The following MGAT4C variants were observed in gnomAD, a reference collection of about 807,000 sequenced individuals.
MGAT4C encodes alpha-1,3-mannosyl-glycoprotein 4-beta-N-acetylglucosaminyltransferase C.
Under a neutral mutation model 40.1 loss-of-function variants are expected in MGAT4C, and 19 were observed. That is an observed-to-expected ratio of 0.47 (90% confidence interval 0.33 to 0.70). The LOEUF is 0.70. Among genes scored for constraint, MGAT4C ranks in the 30% least tolerant of loss-of-function variants. The probability of loss-of-function intolerance (pLI) is 0.02; values close to 1 mark genes in which losing one functional copy is unlikely to be tolerated. For missense variants in MGAT4C, 491 were observed against 563.2 expected (o/e 0.87, Z 1.30); for synonymous variants, 181 against 187.1 (o/e 0.97, Z 0.27).
intron 2 of MGAT4C, among the ~76,000 whole-genome samples, chr12:86,508,913 T>C (rs542823783): frequency 1.3e-5 from 2 of 151,192 alleles, no homozygotes; most frequent in East Asian, 3.9e-4. Flanking sequence ...GTTGTTTGTT[T>C]TTTTCTTGTA....
chr12:86,333,833 T>C (rs1235871113), intron 4 of MGAT4C, among the ~76,000 whole-genome samples: 1 of 152,200 alleles, frequency 6.6e-6, no homozygotes, highest in Non-Finnish European at 1.5e-5. Flanking sequence ...AAACTGAATA[T>C]CAGTTAATAG....
intron 2 of MGAT4C, among the ~76,000 whole-genome samples, chr12:86,043,518 T>C (rs1892081224): frequency 6.6e-6 from 1 of 152,194 alleles, no homozygotes; most frequent in African/African-American, 2.4e-5. Flanking sequence ...CTACCTGCTT[T>C]TATTCTAGCC....
At chr12:86,664,146 T>G (rs927979128) in intron 2 of MGAT4C, among the ~76,000 whole-genome samples, 12 of 150,454 alleles carry the variant, frequency 8.0e-5, no homozygotes, top group African/African-American at 2.7e-4. Context: ...TTTTTTTTTT[T>G]GTACTTCAAT....
intron 1 of MGAT4C, among the ~76,000 whole-genome samples, chr12:86,069,721 A>G (rs951206433): frequency 6.6e-6 from 1 of 152,076 alleles, no homozygotes; most frequent in African/African-American, 2.4e-5. Context: ...ATGGCTCACT[A>G]AAGTTACTAC....
chr12:86,674,804 T>C (rs1260575822), intron 2 of MGAT4C, among the ~76,000 whole-genome samples: 2 of 152,198 alleles, frequency 1.3e-5, no homozygotes, highest in Non-Finnish European at 2.9e-5. Flanking sequence ...TAACAAGTAA[T>C]TAAGACTAGT....
In MGAT4C at chr12:86,407,996, C is replaced by A. The variant is rs76721466; in HGVS notation, c.-120+27161G>T. Among the ~76,000 whole-genome samples the A allele has an allele frequency of 9.9e-5, 15 of 152,084 alleles. No homozygotes were observed. In the East Asian group the frequency reaches 2.9e-3, roughly 29 times the overall value. The stretch of plus-strand genomic sequence containing the variant: ...AATCTAAACATGGGTATATATTGCA[C>A]CCTGCAATGCAATTGACTCTAATGT... On this transcript the variant is annotated intron_variant, in intron 3 of 7. Transcript: ENST00000548651.
In MGAT4C at chr12:86,453,963, C is replaced by G. The variant is rs1001205672; in HGVS notation, c.-228-18698G>C. 5.3e-4 allele frequency among the ~76,000 whole-genome samples: 80 copies of G among 152,056 alleles called. 1 individual carries two copies. Among genetic ancestry groups the G allele is most frequent in the African/African-American group, 1.8e-3 (74 of 41,398 alleles). ...TCTTATTATCTACTTTATTATTTCT[C>G]AAGTTACCACGAGCCACAAAAAGAA... On this transcript the variant is annotated intron_variant, in intron 2 of 7. Transcript: ENST00000548651.
chr12:86,612,635 G>A (rs1450562870), intron 2 of MGAT4C, among the ~76,000 whole-genome samples: 1 of 151,202 alleles, frequency 6.6e-6, no homozygotes, highest in East Asian at 1.9e-4. Context: ...CAGCTCTCAG[G>A]AGGCTGAGAC....
Position 85,980,079 on chromosome 12 carries a change from G to T in MGAT4C, c.647C>A (p.Thr216Asn). ...TTCAAGCATTACATAATAGTCTGAAGTATTGGCACAAAAATTAAGCAGAAA... is the reference window on the plus strand; with the variant it reads ...TTCAAGCATTACATAATAGTCTGAATTATTGGCACAAAAATTAAGCAGAAA... ...YAFLLNFCAN[T>N]SDYYVMLEDD... Residue 216 changes from threonine to asparagine, a missense_variant, in exon 5 of 5, where the codon ACT becomes AAT. By Grantham distance (65) the Thr-to-Asn change is moderately conservative. Coordinates refer to ENST00000611864, the MANE Select transcript of MGAT4C (RefSeq NM_001351288.2). The T allele has an allele frequency of 6.2e-7, 1 of 1,613,736 alleles. No individual in the cohort carries two copies. The highest frequency in any genetic ancestry group is 8.5e-7 in the Non-Finnish European group (1 of 1,179,816).
At chr12:86,813,105 A>G (rs1245135556) in intron 1 of MGAT4C, among the ~76,000 whole-genome samples, 2 of 151,944 alleles carry the variant, frequency 1.3e-5, no homozygotes, top group African/African-American at 4.8e-5. Context: ...AGTTGTCAGC[A>G]TTGTCTTTTG....
At chr12:86,022,928 G>GT (rs1433792387) in intron 2 of MGAT4C, among the ~76,000 whole-genome samples, 1 of 152,088 alleles carries the variant, frequency 6.6e-6, no homozygotes, top group Non-Finnish European at 1.5e-5. Context: ...CAGACAGGGA[G>GT]TAAGATAAGA....
intron 2 of MGAT4C, among the ~76,000 whole-genome samples, chr12:86,675,783 T>A (rs1964378484): frequency 1.3e-5 from 2 of 152,180 alleles, no homozygotes; most frequent in East Asian, 3.9e-4. Context: ...ATGAGGATAA[T>A]GGAGATATCC....
At chr12:86,206,454 A>G (rs1950258805) in intron 1 of MGAT4C, among the ~76,000 whole-genome samples, 1 of 152,160 alleles carries the variant, frequency 6.6e-6, no homozygotes, top group African/African-American at 2.4e-5. Flanking sequence ...AGAAGGTGGT[A>G]TTAGGTTTTG....
At chr12:86,374,805 A>G (rs1485562983) in intron 3 of MGAT4C, among the ~76,000 whole-genome samples, 2 of 152,148 alleles carry the variant, frequency 1.3e-5, no homozygotes, top group African/African-American at 4.8e-5. Flanking sequence ...GGAAACATCA[A>G]TTATTAAGTC....
At chr12:86,521,467 C>T (rs1035539446) in intron 2 of MGAT4C, among the ~76,000 whole-genome samples, 1 of 152,114 alleles carries the variant, frequency 6.6e-6, no homozygotes, top group Non-Finnish European at 1.5e-5. Flanking sequence ...GCTCTGTTTA[C>T]TGTAGCCCTG....
At chr12:86,691,685 A>T (rs1950175758) in intron 2 of MGAT4C, among the ~76,000 whole-genome samples, 1 of 152,148 alleles carries the variant, frequency 6.6e-6, no homozygotes. Context: ...TTTTTCAATT[A>T]TTTCCACTTT....
intron 1 of MGAT4C, among the ~76,000 whole-genome samples, chr12:86,813,871 G>A (rs560504876): frequency 1.3e-5 from 2 of 151,922 alleles, no homozygotes; most frequent in East Asian, 3.9e-4. Flanking sequence ...CTCTGTAAAT[G>A]TTTTGCATAA....
At chr12:86,451,056 A>T (rs922740906) in intron 2 of MGAT4C, among the ~76,000 whole-genome samples, 1 of 152,092 alleles carries the variant, frequency 6.6e-6, no homozygotes, top group Non-Finnish European at 1.5e-5. Context: ...TATGTCTCAC[A>T]CAAATCTCAT....
At chr12:86,774,316 TTTC>T (rs766241805) in intron 1 of MGAT4C, among the ~76,000 whole-genome samples, 4 of 31,236 alleles carry the variant, frequency 1.3e-4, no homozygotes, top group East Asian at 1.7e-3. Flanking sequence ...TCTTTCTTTC[TTTC>T]TTTCTTTCTT....
Sources: allele counts gnomAD v4.1 joint callset (sites outside exome capture counted in the v4.1 genomes callset), GRCh38; gene constraint gnomAD v4.1.1; transcripts MANE v1.5; gene names NCBI Gene and HGNC (gene_info 2026-07-23, HGNC 2026-07-21).